TOP2A: variants seen among roughly 807,000 people sequenced by gnomAD.
TOP2A encodes DNA topoisomerase 2-alpha.
Under a neutral mutation model 187.2 loss-of-function variants are expected in TOP2A, and 68 were observed. That is an observed-to-expected ratio of 0.36 (90% CI 0.30 to 0.44). The LOEUF (loss-of-function observed/expected upper bound fraction) is 0.44, where lower values mean the gene tolerates loss of function less well. Among genes scored for constraint, TOP2A ranks in the 20% least tolerant of loss-of-function variants. The pLI, the probability that TOP2A is intolerant of heterozygous loss-of-function variation, is 1.00. For missense variants in TOP2A, 1,196 were observed against 1,808.7 expected (o/e 0.66, Z 6.14); for synonymous variants, 542 against 593.2 (o/e 0.91, Z 1.25).
Position 40,404,799 on chromosome 17 carries a change from G to T in TOP2A, c.2038C>A (p.Leu680Ile). The T allele has an allele frequency of 6.2e-7, 1 of 1,600,112 alleles. No homozygotes were observed. Among genetic ancestry groups the T allele is most frequent in the Non-Finnish European group, 8.5e-7 (1 of 1,171,132 alleles). The change falls in exon 17 of 35, where the codon CTT (leucine) becomes ATT (isoleucine). Residue 680 changes from leucine to isoleucine, a missense_variant. Physicochemically the swap from Leu to Ile is conservative, Grantham distance 5. This residue lies in a region of TOP2A where 209 missense variants were observed against 376.9 expected (regional missense o/e 0.55). Transcript: ENST00000423485. ...EDRRQRKLLGLPEDYLYGQTT... is the reference protein window; with the variant it reads ...EDRRQRKLLGIPEDYLYGQTT... ...ATATTTAAAACTTTTACCTCAGGAA[G>T]CCCAAGTAACTTTCGTTGTCTTCTA...
At chr17:40,396,489 A>G (rs751763799) in intron 27 of TOP2A, 24 bp from the exon 28 acceptor site, 40 of 1,599,398 alleles carry the variant, frequency 2.5e-5, no homozygotes, top group Middle Eastern at 3.3e-4. Flanking sequence ...ATAAGAAAGC[A>G]AGTTTAAATG....
At chr17:40,407,474 G>T in intron 13 of TOP2A, 75 bp downstream of exon 13, 1 of 1,252,668 alleles carries the variant, frequency 8.0e-7, no homozygotes, top group Non-Finnish European at 1.1e-6. Flanking sequence ...TATTTTCATG[G>T]CAAAAAACAA....
At chr17:40,395,693 C>T (rs1400110016) in intron 28 of TOP2A, among the ~76,000 whole-genome samples, 154 bp from the exon 29 acceptor site, 1 of 151,938 alleles carries the variant, frequency 6.6e-6, no homozygotes, top group Non-Finnish European at 1.5e-5. Flanking sequence ...GTCAGGAGTT[C>T]GAGACCAGCC....
intron 1 of TOP2A, 84 bp downstream of exon 1, chr17:40,417,687 C>G (rs2035409685): frequency 1.5e-5 from 24 of 1,599,504 alleles, no homozygotes; most frequent in Non-Finnish European, 2.0e-5. Flanking sequence ...GACCGCAGCC[C>G]CAGAGCTTCA....
Position 40,416,886 on chromosome 17 carries a change from C to T in TOP2A, c.31G>A (p.Glu11Lys). The change falls in exon 2 of 35, where the codon GAA becomes AAA. Residue 11 changes from glutamate to lysine, a missense_variant. This residue lies in a region of TOP2A where 97 missense variants were observed against 171.0 expected (regional missense o/e 0.57). Coordinates refer to ENST00000423485, the MANE Select transcript of TOP2A (RefSeq NM_001067.4). ...TTTATTTTGTTGACTTGCATATTTT[C>T]ATTTACAGGCTAGCAATTAAAAAAA... MEVSPLQPVN[E>K]NMQVNKIKKN... The T allele has an allele frequency of 1.3e-6, 2 of 1,596,534 alleles. No individual in the cohort carries two copies. Among genetic ancestry groups the T allele is most frequent in the Non-Finnish European group, 1.7e-6 (2 of 1,173,728 alleles).
intron 33 of TOP2A, among the ~76,000 whole-genome samples, chr17:40,390,928 A>C (rs1289989305): frequency 2.0e-5 from 3 of 150,616 alleles, no homozygotes; most frequent in Non-Finnish European, 4.4e-5. Flanking sequence ...CCCAGCCTTA[A>C]ACTTAATTCA....
Position 40,388,863 on chromosome 17 carries a change from A to C in TOP2A, c.*656T>G, listed in dbSNP as rs762401477. 5 of 200,344 alleles carry C rather than the reference A, an allele frequency of 2.5e-5. No homozygotes were observed. The highest frequency in any genetic ancestry group is 5.1e-5 in the Non-Finnish European group (5 of 97,144). 12.4% of individuals were successfully genotyped at this position (200,344 alleles called of 1,614,324 possible). On this transcript the variant is annotated 3_prime_UTR_variant, in exon 35 of 35. Coordinates refer to ENST00000423485, the MANE Select transcript of TOP2A (RefSeq NM_001067.4). ...CCAGAGGGGACAGGTCAAGAGCTGA[A>C]ATAATCACATAACTACTCTAATTTT... is the stretch of plus-strand genomic sequence containing the variant.
Position 40,402,886 on chromosome 17 carries a change from G to C in TOP2A, c.2432+20C>G. The C allele has an allele frequency of 6.4e-7, 1 of 1,567,928 alleles. No individual in the cohort carries two copies. Among genetic ancestry groups the C allele is most frequent in the Non-Finnish European group, 8.7e-7 (1 of 1,153,918 alleles). ...CAAAACTGGAAATGGCAAGTCACTA[G>C]AAAGTGAAAGCATACCTACCTGAGC... On this transcript the variant is annotated intron_variant, in intron 20 of 34. Transcript: ENST00000423485.
chr17:40,407,971 TTA>T lies in TOP2A; in HGVS notation c.1494_1495del (p.His498GlnfsTer8). The stretch of plus-strand genomic sequence containing the variant: ...GAAGATCGTCTTATATTCTACCTGC[TTA>T]TGAGAAGCTTCTCGAACATTGAGTA... On this transcript the variant is annotated frameshift_variant, in exon 12 of 35. Coordinates refer to ENST00000423485, the MANE Select transcript of TOP2A (RefSeq NM_001067.4). LOFTEE classifies it high-confidence loss of function. 6.2e-7 allele frequency: 1 copy of T among 1,612,066 alleles called. No individual in the cohort carries two copies. Among genetic ancestry groups the T allele is most frequent in the South Asian group, 1.1e-5 (1 of 90,836 alleles).
At chr17:40,395,353 C>A in intron 29 of TOP2A, 96 bp downstream of exon 29, 10 of 479,806 alleles carry the variant, frequency 2.1e-5, no homozygotes, top group Non-Finnish European at 3.4e-5. Flanking sequence ...TTTCTCAATT[C>A]AACAAAAAGG....
At position 40,404,802 on chromosome 17, in the gene TOP2A, C is replaced by G. The variant is rs1434203704; in HGVS notation, c.2035G>C (p.Gly679Arg). Residue 679 changes from glycine to arginine, a missense_variant, in exon 17 of 35, where the codon GGG (glycine) becomes CGG (arginine). Gly to Arg is a moderately radical substitution (Grantham distance 125). Around this residue, in one of 10 missense-constraint regions of TOP2A, gnomAD observed 209 missense variants for 376.9 expected, o/e 0.55. Coordinates refer to ENST00000423485, the MANE Select transcript of TOP2A (RefSeq NM_001067.4). ...TTTAAAACTTTTACCTCAGGAAGCCCAAGTAACTTTCGTTGTCTTCTATCC... is the reference window on the plus strand; with the variant it reads ...TTTAAAACTTTTACCTCAGGAAGCCGAAGTAACTTTCGTTGTCTTCTATCC... ...MEDRRQRKLL[G>R]LPEDYLYGQT... 3.7e-6 allele frequency: 6 copies of G among 1,602,408 alleles called. No individual in the cohort carries two copies. The African/African-American group carries it at 8.0e-5, about 21-fold the overall frequency.
Position 40,416,109 on chromosome 17 carries a change from T to C in TOP2A, c.269-41A>G, listed in dbSNP as rs764904208. 2.1e-6 allele frequency: 3 copies of C among 1,424,590 alleles called. No homozygotes were observed. The South Asian group carries it at 3.7e-5, about 18-fold the overall frequency. The allele number at this position is 1,424,590 out of a possible 1,614,324, so 88.2% of individuals were successfully genotyped here. A position where few individuals can be genotyped will look rare whatever the true frequency, so the allele number is the denominator to read the frequency against. ...ATATACATTTGTAAGAAATTAGTGT[T>C]TTAAGAAACATTCTGTAACTCTAAG... On this transcript the variant is annotated intron_variant, in intron 3 of 34. Transcript: ENST00000423485.
At chr17:40,412,058 A>G (rs939514310) in intron 7 of TOP2A, among the ~76,000 whole-genome samples, 9 of 151,976 alleles carry the variant, frequency 5.9e-5, no homozygotes, top group Non-Finnish European at 8.8e-5. Flanking sequence ...TTAGCTGGGC[A>G]TGGTGGTGCT....
At chr17:40,399,210 A>C in intron 24 of TOP2A, 79 bp from the exon 25 acceptor site, 1 of 1,020,302 alleles carries the variant, frequency 9.8e-7, no homozygotes, top group South Asian at 1.5e-5. Context: ...ACAAGTCAAA[A>C]GTTTAAAACT....
In TOP2A at chr17:40,411,082, T is replaced by C. The variant is rs546522866; in HGVS notation, c.1203+27A>G. 6.4e-7 allele frequency: 1 copy of C among 1,568,290 alleles called. No individual in the cohort carries two copies. The highest frequency in any genetic ancestry group is 2.2e-5 in the East Asian group (1 of 44,482). On this transcript the variant is annotated intron_variant, in intron 10 of 34. Transcript: ENST00000423485. This position sits in a 1 kb window ranked among gnomAD's most constrained non-coding sequence, Gnocchi z 4.4. ...AATGGAAAATAAAGTCAGGTGTTTC[T>C]ATTTTTATTTTCCTCTAAGTACTCA...
At chr17:40,409,055 G>A (rs1307979097) in intron 10 of TOP2A, 4 of 346,518 alleles carry the variant, frequency 1.2e-5, no homozygotes, top group Middle Eastern at 1.0e-3. Context: ...ATTAGCTGGC[G>A]TGGTGGTGGG....
rs2035082749 is a variant in TOP2A at position 40,395,449 on chromosome 17, C to T, written c.3811G>A (p.Gly1271Ser). The stretch of plus-strand genomic sequence containing the variant: ...CATTTTTCTAAAAATGTTGTAATAC[C>T]TGGTTCTCTTTTCTGTTTCTTTTCT... The part of the protein sequence containing the change: ...RLEKKQKREP[G>S]TKTKKQTTLA... The change falls in exon 29 of 35, where the codon GGT becomes AGT. Residue 1271 changes from glycine to serine, a missense_variant and splice_region_variant. This residue lies in a region of TOP2A where 374 missense variants were observed against 403.3 expected (regional missense o/e 0.93). Transcript: ENST00000423485. 2 of 1,597,212 alleles carry T rather than the reference C, an allele frequency of 1.3e-6. No homozygotes were observed. The highest frequency in any genetic ancestry group is 1.7e-5 in the Admixed American group (1 of 58,882).
At chr17:40,395,205 C>G (rs1000564615) in intron 29 of TOP2A, among the ~76,000 whole-genome samples, 2 of 151,126 alleles carry the variant, frequency 1.3e-5, no homozygotes, top group Admixed American at 6.6e-5. Context: ...ATCGCTTGAA[C>G]CCAGGAGGTG....
At chr17:40,413,814 C>T (rs1341861574) in intron 4 of TOP2A, among the ~76,000 whole-genome samples, 189 bp from the exon 5 acceptor site, 2 of 152,100 alleles carry the variant, frequency 1.3e-5, no homozygotes. Flanking sequence ...TTCTGGCCAA[C>T]ATGTTGAAAC....
Sources: allele counts gnomAD v4.1 joint callset (sites outside exome capture counted in the v4.1 genomes callset), GRCh38; gene constraint gnomAD v4.1.1; regional missense constraint gnomAD v4.1.1; non-coding constraint Gnocchi (gnomAD v3.1); transcripts MANE v1.5; gene names NCBI Gene and HGNC (gene_info 2026-07-23, HGNC 2026-07-21).